The following TAF4 variants were observed in gnomAD, a reference collection of about 807,000 sequenced individuals.
TAF4 encodes the protein TATA-box binding protein associated factor 4.
In TAF4, 9 loss-of-function variants were observed where a neutral mutation model predicts 90.3. The ratio of observed to expected loss-of-function variants is 0.10; its 90% CI spans 0.06 to 0.17. The LOEUF is 0.17. Among genes scored for constraint, TAF4 ranks in the 10% least tolerant of loss-of-function variants. The pLI is 1.00. For synonymous variants in TAF4, 818 were observed against 638.9 expected, an observed-to-expected ratio of 1.28 and a Z score of -4.23; for missense variants, 1,351 against 1,370.7, an observed-to-expected ratio of 0.99 and a Z score of 0.23.
intron 1 of TAF4, among the ~76,000 whole-genome samples, chr20:62,034,791 C>A (rs2055923066): frequency 6.6e-6 from 1 of 151,548 alleles, no homozygotes. Flanking sequence ...GAGTAATATA[C>A]CATATTCATG....
rs1265771411 is a variant in TAF4 at position 62,009,034 on chromosome 20, A to G, written c.1884+18T>C. 5 of 1,608,106 alleles carry G rather than the reference A, an allele frequency of 3.1e-6. No homozygotes were observed. Among genetic ancestry groups the G allele is most frequent in the East Asian group, 2.2e-5 (1 of 44,816 alleles). On this transcript the variant is annotated intron_variant, in intron 5 of 14. Transcript: ENST00000252996. ...ACAGGCTTTAGGGGAAAGGGAATGT[A>G]AAGTCAAGGTTTCTCACCAGTAAAT... is the stretch of plus-strand genomic sequence containing the variant.
intron 1 of TAF4, among the ~76,000 whole-genome samples, chr20:62,061,696 A>G (rs530621528): frequency 2.0e-5 from 3 of 152,374 alleles, no homozygotes; most frequent in South Asian, 2.1e-4. Context: ...TAAGCTGTAC[A>G]TAACTAGTGC....
At chr20:62,024,898 T>C (rs1250481998) in intron 1 of TAF4, among the ~76,000 whole-genome samples, 3 of 149,508 alleles carry the variant, frequency 2.0e-5, no homozygotes, top group Admixed American at 6.7e-5. Context: ...GGCAATTGAA[T>C]AGACCCTTCG....
chr20:61,993,394 C>T (rs566060351), intron 14 of TAF4, among the ~76,000 whole-genome samples: 1 of 152,330 alleles, frequency 6.6e-6, no homozygotes, highest in South Asian at 2.1e-4. Context: ...AACTGCACCA[C>T]AAGGGCACCG....
chr20:62,044,032 C>A (rs1313765014), intron 1 of TAF4, among the ~76,000 whole-genome samples: 3 of 152,186 alleles, frequency 2.0e-5, no homozygotes, highest in African/African-American at 7.2e-5. Context: ...TAAGACTGAG[C>A]CTCCCCTGTC....
At chr20:62,003,910 T>C in intron 7 of TAF4, 32 bp from the exon 8 acceptor site, 1 of 1,520,062 alleles carries the variant, frequency 6.6e-7, no homozygotes. Context: ...ATGGTGAGCA[T>C]GCTCCCCGAG....
chr20:61,986,897 G>C (rs775752537), intron 14 of TAF4, among the ~76,000 whole-genome samples: 1 of 152,220 alleles, frequency 6.6e-6, no homozygotes, highest in Non-Finnish European at 1.5e-5. Flanking sequence ...AGCATCAGAC[G>C]CCACAGCAGC....
intron 1 of TAF4, among the ~76,000 whole-genome samples, chr20:62,028,265 CA>C (rs2055885261): frequency 6.6e-6 from 1 of 152,002 alleles, no homozygotes; most frequent in South Asian, 2.1e-4. Flanking sequence ...ACATACCCCC[CA>C]AAAAAATGCT....
chr20:62,001,932 G>A (rs1269615141), intron 9 of TAF4, among the ~76,000 whole-genome samples: 5 of 152,162 alleles, frequency 3.3e-5, no homozygotes, highest in Non-Finnish European at 7.4e-5. Context: ...CAGTGTTACT[G>A]GGGCGTTACT....
chr20:61,977,863 A>G (rs76418118), intron 14 of TAF4, among the ~76,000 whole-genome samples: 3,294 of 152,332 alleles, frequency 0.022, 124 homozygotes, highest in African/African-American at 0.076. Flanking sequence ...ACCCAGTGAC[A>G]CCTGCTATAA....
At chr20:62,054,529 C>T (rs1405338895) in intron 1 of TAF4, among the ~76,000 whole-genome samples, 1 of 152,190 alleles carries the variant, frequency 6.6e-6, no homozygotes, top group Non-Finnish European at 1.5e-5. Flanking sequence ...ATAAGGCTCT[C>T]AGCAACGGCC....
At chr20:61,984,444 C>G (rs114541762) in intron 14 of TAF4, among the ~76,000 whole-genome samples, 2 of 152,130 alleles carry the variant, frequency 1.3e-5, no homozygotes, top group Non-Finnish European at 2.9e-5. Flanking sequence ...ACGTACAAGG[C>G]GACTCTTGAT....
chr20:62,003,036 C>A (rs981260310), intron 9 of TAF4, 124 bp downstream of exon 9: 4 of 683,810 alleles, frequency 5.8e-6, no homozygotes, highest in African/African-American at 5.4e-5. Context: ...GAAGCAGGAG[C>A]CTTGGAGCCC....
intron 14 of TAF4, among the ~76,000 whole-genome samples, chr20:61,995,372 A>G (rs67310354): frequency 6.6e-6 from 1 of 152,156 alleles, no homozygotes; most frequent in Non-Finnish European, 1.5e-5. Flanking sequence ...AACAAAATGG[A>G]AACTTCAACT....
At chr20:61,999,528 A>C (rs28382109) in intron 11 of TAF4, among the ~76,000 whole-genome samples, 2 of 152,228 alleles carry the variant, frequency 1.3e-5, no homozygotes, top group Non-Finnish European at 2.9e-5. Context: ...AAGAGTGTTC[A>C]TATGTGACTG....
At position 62,014,551 on chromosome 20, in the gene TAF4, A is replaced by G. The variant is rs2055802254; in HGVS notation, c.1517T>C (p.Val506Ala). The change falls in exon 2 of 15, where the codon GTA (valine) becomes GCA (alanine). Residue 506 changes from valine (V) to alanine (A), a missense_variant. By Grantham distance (64) the Val-to-Ala change is moderately conservative. Coordinates refer to ENST00000252996, the MANE Select transcript of TAF4 (RefSeq NM_003185.4). ...CCAGGGCACACGTGCACTCACCTGT[A>G]CGGTGGAGATCTGGACGGGAGGGGC... ...TSAPPVQIST[V>A]QAPGTPIIAR... 6.2e-7 allele frequency: 1 copy of G among 1,612,486 alleles called. No homozygotes were observed. The highest frequency in any genetic ancestry group is 8.5e-7 in the Non-Finnish European group (1 of 1,179,502).
chr20:62,039,220 G>T (rs527842984), intron 1 of TAF4, among the ~76,000 whole-genome samples: 38 of 152,288 alleles, frequency 2.5e-4, no homozygotes, highest in Non-Finnish European at 5.1e-4. Context: ...CTCTAAATGG[G>T]CTGGAAAGTG....
At chr20:62,054,542 G>A (rs775785716) in intron 1 of TAF4, among the ~76,000 whole-genome samples, 3 of 152,134 alleles carry the variant, frequency 2.0e-5, no homozygotes, top group African/African-American at 7.2e-5. Flanking sequence ...CAACGGCCAC[G>A]CCATGTCCTT....
rs757335843 is a variant in TAF4 at position 62,010,408 on chromosome 20, A to C, written c.1642-243T>G. On this transcript the variant is annotated intron_variant, in intron 3 of 14. Coordinates refer to ENST00000252996, the MANE Select transcript of TAF4 (RefSeq NM_003185.4). This position sits in a 1 kb window ranked among gnomAD's most constrained non-coding sequence, Gnocchi z 4.5. ...GAAGGCATGATTTGCACCTGCATCA[A>C]AAACGGACGTTCACAAAGCCAGGCA... 9.2e-5 allele frequency among the ~76,000 whole-genome samples: 14 copies of C among 152,176 alleles called. No individual in the cohort carries two copies. Among genetic ancestry groups the C allele is most frequent in the Non-Finnish European group, 1.6e-4 (11 of 68,026 alleles).
Sources: gnomAD v4.1 joint callset for allele counts (sites outside exome capture counted in the v4.1 genomes callset) on GRCh38, gnomAD v4.1.1 for gene constraint, Gnocchi (gnomAD v3.1) non-coding constraint, MANE v1.5 for transcripts, NCBI Gene and HGNC (gene_info 2026-07-23, HGNC 2026-07-21) for gene names.